QNG1: variants seen among roughly 807,000 people sequenced by gnomAD.
The protein encoded by QNG1 is queuosine 5'-phosphate N-glycosylase/hydrolase.
the QNG1 span, chr9:83,956,728 G>A: frequency 2.4e-6 from 1 of 420,518 alleles, no homozygotes; most frequent in East Asian, 3.6e-5. Context: ...CTGGGCAGAG[G>A]CCGCAAGCAC....
the QNG1 span, among the ~76,000 whole-genome samples, chr9:83,951,697 C>CT: frequency 1.3e-5 from 2 of 152,254 alleles, no homozygotes; most frequent in Non-Finnish European, 1.5e-5. Flanking sequence ...CTAATTAGAA[C>CT]TTTTACAAAG....
the QNG1 span, among the ~76,000 whole-genome samples, chr9:83,941,173 C>T: frequency 1.5e-3 from 235 of 152,224 alleles, no homozygotes; most frequent in African/African-American, 5.2e-3. Flanking sequence ...GGTTCCTGAC[C>T]CAGGATCATA....
chr9:83,945,292 C>T, the QNG1 span, among the ~76,000 whole-genome samples: 1 of 151,236 alleles, frequency 6.6e-6, no homozygotes, highest in Non-Finnish European at 1.5e-5. Flanking sequence ...GTCCCAGATA[C>T]TCAGGAGGTG....
the QNG1 span, among the ~76,000 whole-genome samples, chr9:83,950,870 G>C: frequency 6.6e-6 from 1 of 151,744 alleles, no homozygotes; most frequent in Non-Finnish European, 1.5e-5. Flanking sequence ...CAAGGTTCTA[G>C]GATTACAGGA....
At chr9:83,949,391 C>T in the QNG1 span, among the ~76,000 whole-genome samples, 2 of 152,166 alleles carry the variant, frequency 1.3e-5, no homozygotes, top group Non-Finnish European at 2.9e-5. Flanking sequence ...TGCCTGTAAT[C>T]CCAGCACTTT....
At chr9:83,949,676 A>C in the QNG1 span, among the ~76,000 whole-genome samples, 1 of 152,002 alleles carries the variant, frequency 6.6e-6, no homozygotes, top group African/African-American at 2.4e-5. Flanking sequence ...ACAAAAAAAA[A>C]ACCCAGCAAG....
chr9:83,942,200 A>G, the QNG1 span, among the ~76,000 whole-genome samples: 1 of 152,204 alleles, frequency 6.6e-6, no homozygotes, highest in Non-Finnish European at 1.5e-5. Context: ...AACTAATGTA[A>G]TAACTAATGC....
chr9:83,944,953 G>C, the QNG1 span: 5 of 1,609,588 alleles, frequency 3.1e-6, no homozygotes, highest in Admixed American at 6.8e-5. Context: ...TCTGCTACAA[G>C]GATTTGGGCT....
chr9:83,956,230 A>T, the QNG1 span: 4 of 1,613,932 alleles, frequency 2.5e-6, no homozygotes, highest in South Asian at 4.4e-5. Flanking sequence ...TTCCCTCTGT[A>T]CCTCACCACA....
the QNG1 span, chr9:83,956,375 T>C: frequency 6.2e-7 from 1 of 1,606,502 alleles, no homozygotes; most frequent in Non-Finnish European, 8.5e-7. Flanking sequence ...CGCGCAGCTC[T>C]GGCCCCGCCG....
the QNG1 span, among the ~76,000 whole-genome samples, chr9:83,946,318 TA>T: frequency 1.3e-5 from 2 of 150,314 alleles, no homozygotes; most frequent in Non-Finnish European, 3.0e-5. Context: ...TAATAATAAT[TA>T]AAAAAAAATA....
At chr9:83,948,749 G>A in the QNG1 span, among the ~76,000 whole-genome samples, 2 of 152,236 alleles carry the variant, frequency 1.3e-5, no homozygotes, top group African/African-American at 4.8e-5. Flanking sequence ...TATGTACTAA[G>A]AAAAATTCTT....
chr9:83,945,514 CA>C, the QNG1 span, among the ~76,000 whole-genome samples: 1 of 151,956 alleles, frequency 6.6e-6, no homozygotes, highest in Non-Finnish European at 1.5e-5. Context: ...ACATAAAATA[CA>C]ATTTATGTAA....
chr9:83,943,208 C>T, the QNG1 span, among the ~76,000 whole-genome samples: 3 of 151,750 alleles, frequency 2.0e-5, no homozygotes, highest in East Asian at 3.9e-4. Context: ...GGCATCGTGG[C>T]ATGCGCCTGT....
the QNG1 span, among the ~76,000 whole-genome samples, chr9:83,952,807 A>C: frequency 7.9e-5 from 12 of 151,076 alleles, no homozygotes; most frequent in East Asian, 7.8e-4. Flanking sequence ...AAAAAAAAAA[A>C]AAAAACAAAA....
chr9:83,944,520 G>A, the QNG1 span, among the ~76,000 whole-genome samples: 5 of 152,212 alleles, frequency 3.3e-5, no homozygotes, highest in East Asian at 5.8e-4. Flanking sequence ...AACTATCAGT[G>A]TTACATACTT....
At chr9:83,956,071 C>T in the QNG1 span, 5 of 1,310,130 alleles carry the variant, frequency 3.8e-6, no homozygotes, top group African/African-American at 1.5e-5. Context: ...ATTATTCCAT[C>T]TCCCAACCCG....
the QNG1 span, among the ~76,000 whole-genome samples, chr9:83,954,025 G>C: frequency 6.6e-6 from 1 of 152,054 alleles, no homozygotes; most frequent in African/African-American, 2.4e-5. Context: ...CTCCTAAGTA[G>C]CTGGGACTAC....
chr9:83,952,877 T>C, the QNG1 span, among the ~76,000 whole-genome samples: 1 of 149,704 alleles, frequency 6.7e-6, no homozygotes, highest in Non-Finnish European at 1.5e-5. Context: ...AGAGAACCGC[T>C]TGAACCTGGG....
Sources: gnomAD v4.1 joint callset for allele counts (sites outside exome capture counted in the v4.1 genomes callset) on GRCh38, gnomAD v4.1.1 for gene constraint, MANE v1.5 for transcripts, NCBI Gene and HGNC (gene_info 2026-07-23, HGNC 2026-07-21) for gene names.